Variants in ASCC3 observed in about 807,000 individuals in gnomAD.
ASCC3 encodes ASC-1 complex subunit P200.
In ASCC3, 158 loss-of-function variants were observed where a neutral mutation model predicts 256.3. The observed-to-expected ratio is 0.62, with a 90% confidence interval of 0.54 to 0.70. The LOEUF is 0.70. ASCC3 is among the 30% of genes least tolerant of loss of function. The pLI is 0.00. For synonymous variants in ASCC3, 948 were observed against 883.4 expected, an observed-to-expected ratio of 1.07 and a Z score of -1.30; for missense variants, 2,259 against 2,626.0, an observed-to-expected ratio of 0.86 and a Z score of 3.05.
rs1049929066 is a variant in ASCC3 at position 100,657,124 on chromosome 6, A to G, written c.2704-1306T>C. Reference sequence around the variant, plus strand: ...GATTTAGTAATCTATAATTTTCATTATAATGTATAATTTTCATTATAGTAT... The same window carrying G: ...GATTTAGTAATCTATAATTTTCATTGTAATGTATAATTTTCATTATAGTAT... On this transcript the variant is annotated intron_variant, in intron 16 of 41. Transcript: ENST00000369162. Among the ~76,000 whole-genome samples, 10 of 151,424 alleles carry G rather than the reference A, an allele frequency of 6.6e-5. No individual in the cohort carries two copies. In the East Asian group the frequency reaches 1.7e-3, roughly 26 times the overall value.
At chr6:100,587,340 G>A (rs950535642) in intron 36 of ASCC3, among the ~76,000 whole-genome samples, 2 of 151,584 alleles carry the variant, frequency 1.3e-5, no homozygotes. Context: ...TTAAGAAGAA[G>A]AAGGATTTCT....
chr6:100,587,405 A>G (rs1316629596), intron 36 of ASCC3, among the ~76,000 whole-genome samples: 1 of 152,216 alleles, frequency 6.6e-6, no homozygotes, highest in Non-Finnish European at 1.5e-5. Flanking sequence ...TTTTGCTGGT[A>G]GCTACACATA....
intron 36 of ASCC3, among the ~76,000 whole-genome samples, chr6:100,582,890 T>A (rs1382938311): frequency 6.6e-6 from 1 of 152,222 alleles, no homozygotes; most frequent in Non-Finnish European, 1.5e-5. Flanking sequence ...GGATTACATT[T>A]ATTGATTTGC....
rs1773600193 is a variant in ASCC3, at chr6:100,508,374, T to C, written c.*1012A>G. On this transcript the variant is annotated 3_prime_UTR_variant, in exon 42 of 42. Coordinates refer to ENST00000369162, the MANE Select transcript of ASCC3 (RefSeq NM_006828.4). ...TCACAAAGGTAGAATTTCATTCCAC[T>C]AGAATGCATATTATATGAACATTGA... 1 of 152,170 alleles carries C rather than the reference T, an allele frequency of 6.6e-6. No homozygotes were observed. The highest frequency in any genetic ancestry group is 6.5e-5 in the Admixed American group (1 of 15,282). 9.4% of individuals were successfully genotyped at this position (152,170 alleles called of 1,614,324 possible).
intron 1 of ASCC3, among the ~76,000 whole-genome samples, chr6:100,870,840 A>G (rs1335533560): frequency 1.3e-5 from 2 of 152,182 alleles, no homozygotes; most frequent in Admixed American, 1.3e-4. Flanking sequence ...AAAAAAATGA[A>G]AGCAAGAGTC....
At chr6:100,825,776 T>C (rs977511514) in intron 4 of ASCC3, among the ~76,000 whole-genome samples, 12 of 152,080 alleles carry the variant, frequency 7.9e-5, no homozygotes, top group Admixed American at 7.9e-4. Flanking sequence ...CATAGTCCCA[T>C]ATTTCTTGGA....
At chr6:100,783,026 T>A (rs1329186540) in intron 8 of ASCC3, among the ~76,000 whole-genome samples, 4 of 151,234 alleles carry the variant, frequency 2.6e-5, no homozygotes, top group Non-Finnish European at 5.9e-5. Context: ...AAAAAAGAAA[T>A]ATGACTGACA....
intron 37 of ASCC3, among the ~76,000 whole-genome samples, chr6:100,535,735 G>A (rs1028649567): frequency 2.0e-5 from 3 of 152,036 alleles, no homozygotes; most frequent in African/African-American, 7.2e-5. Context: ...CCAAAGTGCT[G>A]GGATTATAGG....
intron 2 of ASCC3, 90 bp downstream of exon 2, chr6:100,867,817 AC>A: frequency 2.7e-6 from 3 of 1,118,854 alleles, no homozygotes; most frequent in Non-Finnish European, 4.0e-6. Context: ...TTCCATGTTA[AC>A]CACATAGAAT....
At chr6:100,680,085 G>A (rs1480401910) in intron 13 of ASCC3, among the ~76,000 whole-genome samples, 4 of 152,170 alleles carry the variant, frequency 2.6e-5, no homozygotes, top group Admixed American at 1.3e-4. Flanking sequence ...CTCATTGGAA[G>A]ATTACTACCA....
At chr6:100,688,658 A>G (rs539441503) in intron 13 of ASCC3, among the ~76,000 whole-genome samples, 63 of 152,196 alleles carry the variant, frequency 4.1e-4, no homozygotes, top group Non-Finnish European at 8.4e-4. Flanking sequence ...TTTATTTTTG[A>G]CTATTTTTGT....
intron 4 of ASCC3, among the ~76,000 whole-genome samples, chr6:100,835,775 T>C (rs1042348755): frequency 2.0e-5 from 3 of 152,192 alleles, no homozygotes; most frequent in Admixed American, 6.5e-5. Context: ...TTGTTTTTTC[T>C]ATTTCTGTAA....
chr6:100,662,884 A>G (rs1776292536), intron 14 of ASCC3, among the ~76,000 whole-genome samples: 2 of 151,960 alleles, frequency 1.3e-5, no homozygotes, highest in Non-Finnish European at 2.9e-5. Context: ...TGGCTTCTCA[A>G]CTCCTTAAGA....
rs554502140 is a variant in ASCC3 at position 100,553,344 on chromosome 6, T to A, written c.5551-12957A>T. On this transcript the variant is annotated intron_variant, in intron 36 of 41. Coordinates refer to ENST00000369162, the MANE Select transcript of ASCC3 (RefSeq NM_006828.4). Reference sequence around the variant, plus strand: ...ATTTTAAACAACTTGTCTAGCTAATTTCCTGTGTGATCACTGACTATCGGT... The same window carrying A: ...ATTTTAAACAACTTGTCTAGCTAATATCCTGTGTGATCACTGACTATCGGT... 1.2e-4 allele frequency among the ~76,000 whole-genome samples: 18 copies of A among 152,230 alleles called. No individual in the cohort carries two copies. The East Asian group carries it at 3.5e-3, about 29-fold the overall frequency.
intron 10 of ASCC3, among the ~76,000 whole-genome samples, chr6:100,729,836 TAG>T (rs1281170792): frequency 1.3e-5 from 2 of 152,078 alleles, no homozygotes; most frequent in African/African-American, 4.8e-5. Context: ...TTTTAGTACT[TAG>T]ACTGTAGAAA....
At chr6:100,765,007 G>A (rs183098235) in intron 10 of ASCC3, among the ~76,000 whole-genome samples, 205 of 152,164 alleles carry the variant, frequency 1.3e-3, no homozygotes, top group African/African-American at 3.6e-3. Context: ...AAAGATAAGC[G>A]GGCGAAAAGG....
At chr6:100,592,858 A>C (rs1772077665) in intron 34 of ASCC3, among the ~76,000 whole-genome samples, 1 of 152,136 alleles carries the variant, frequency 6.6e-6, no homozygotes, top group African/African-American at 2.4e-5. Context: ...ATTTAAACAC[A>C]AACATTTCAC....
intron 1 of ASCC3, among the ~76,000 whole-genome samples, chr6:100,880,558 C>A (rs1769248247): frequency 6.6e-6 from 1 of 152,152 alleles, no homozygotes; most frequent in South Asian, 2.1e-4. Context: ...CCCTAGCACC[C>A]ACATACACAT....
At chr6:100,690,899 A>G (rs1777813604) in intron 13 of ASCC3, among the ~76,000 whole-genome samples, 1 of 152,132 alleles carries the variant, frequency 6.6e-6, no homozygotes, top group South Asian at 2.1e-4. Flanking sequence ...TCAGGTTATT[A>G]TTACTGAATT....
Sources: gnomAD v4.1 joint callset for allele counts (sites outside exome capture counted in the v4.1 genomes callset) on GRCh38, gnomAD v4.1.1 for gene constraint, MANE v1.5 for transcripts, NCBI Gene and HGNC (gene_info 2026-07-23, HGNC 2026-07-21) for gene names.